PCSK2: variants seen among roughly 807,000 people sequenced by gnomAD.
The protein encoded by PCSK2 is neuroendocrine convertase 2.
In PCSK2, 14 loss-of-function variants were observed where a neutral mutation model predicts 69.7. The ratio of observed to expected loss-of-function variants is 0.20; its 90% CI spans 0.13 to 0.31. The LOEUF (loss-of-function observed/expected upper bound fraction) is 0.31, where lower values mean the gene tolerates loss of function less well. PCSK2 is among the 10% of genes least tolerant of loss of function. The pLI, the probability that PCSK2 is intolerant of heterozygous loss-of-function variation, is 1.00. For missense variants in PCSK2, 544 were observed against 842.5 expected, an observed-to-expected ratio of 0.65 and a Z score of 4.39; for synonymous variants, 307 against 320.7, an observed-to-expected ratio of 0.96 and a Z score of 0.46.
chr20:17,243,816 CA>C (rs1425642702), intron 1 of PCSK2, among the ~76,000 whole-genome samples: 8 of 151,750 alleles, frequency 5.3e-5, no homozygotes, highest in African/African-American at 1.9e-4. Context: ...AGACAGTCTG[CA>C]AAATAACTGG....
rs1568593763 is a variant in PCSK2, at chr20:17,303,513, TATAA to T, written c.282+43170_282+43173del. Reference sequence around the variant, plus strand: ...TATATTTAATATAATATATATTATATATAATATAATATATATTATATTATATATA... The same window carrying T: ...TATATTTAATATAATATATATTATATTATAATATATATTATATTATATATA... On this transcript the variant is annotated intron_variant, in intron 2 of 11. Coordinates refer to ENST00000262545, the MANE Select transcript of PCSK2 (RefSeq NM_002594.5). Among the ~76,000 whole-genome samples, 114 of 38,302 alleles carry T rather than the reference TATAA, an allele frequency of 3.0e-3. 1 individual carries two copies. The highest frequency in any genetic ancestry group is 9.5e-3 in the East Asian group (5 of 524). The allele number at this position is 38,302 out of a possible 152,430, so 25.1% of individuals were successfully genotyped here. A position where few individuals can be genotyped will look rare whatever the true frequency, so the allele number is the denominator to read the frequency against.
intron 2 of PCSK2, among the ~76,000 whole-genome samples, chr20:17,302,134 G>C (rs1600468136): frequency 6.6e-6 from 1 of 151,928 alleles, no homozygotes; most frequent in Non-Finnish European, 1.5e-5. Context: ...GCAACCCCAG[G>C]CCTTGAGAAA....
At chr20:17,257,044 C>T (rs1987202437) in intron 1 of PCSK2, among the ~76,000 whole-genome samples, 1 of 151,882 alleles carries the variant, frequency 6.6e-6, no homozygotes, top group South Asian at 2.1e-4. Flanking sequence ...GAGTTGGTTC[C>T]AAGTCTTTGC....
At chr20:17,440,903 T>C (rs1021778165) in intron 8 of PCSK2, among the ~76,000 whole-genome samples, 1 of 146,724 alleles carries the variant, frequency 6.8e-6, no homozygotes, top group Non-Finnish European at 1.5e-5. Context: ...ATCAGGGCAA[T>C]GAGATAGATT....
chr20:17,302,569 A>T (rs1167305270), intron 2 of PCSK2, among the ~76,000 whole-genome samples: 1 of 152,138 alleles, frequency 6.6e-6, no homozygotes, highest in African/African-American at 2.4e-5. Context: ...TTCACTCTTG[A>T]TTAATGTATT....
intron 2 of PCSK2, among the ~76,000 whole-genome samples, chr20:17,323,212 C>T (rs1445506870): frequency 6.6e-6 from 1 of 152,166 alleles, no homozygotes; most frequent in Non-Finnish European, 1.5e-5. Context: ...AGTTACAACA[C>T]ATGAATTCTG....
chr20:17,296,804 A>G (rs1390116060), intron 2 of PCSK2, among the ~76,000 whole-genome samples: 1 of 152,190 alleles, frequency 6.6e-6, no homozygotes, highest in Non-Finnish European at 1.5e-5. Context: ...ATTCACGGCT[A>G]CTGTAAAGGT....
chr20:17,314,338 A>G (rs1323448617), intron 2 of PCSK2, among the ~76,000 whole-genome samples: 1 of 152,224 alleles, frequency 6.6e-6, no homozygotes. Context: ...TGAGACATCT[A>G]GACTCAAACC....
At chr20:17,227,003 A>C, upstream of PCSK2, 2 of 238,536 alleles carry the variant, frequency 8.4e-6, no homozygotes, top group Non-Finnish European at 7.9e-6. Context: ...GGAGGAGCTG[A>C]AAATGCAGAT....
At chr20:17,429,074 G>C (rs1041309928) in intron 6 of PCSK2, among the ~76,000 whole-genome samples, 2 of 148,878 alleles carry the variant, frequency 1.3e-5, no homozygotes, top group East Asian at 2.0e-4. Flanking sequence ...GGTTGGATCT[G>C]GTAGTTCCAG....
intron 1 of PCSK2, among the ~76,000 whole-genome samples, chr20:17,245,921 G>C (rs1401713477): frequency 6.6e-6 from 1 of 152,154 alleles, no homozygotes; most frequent in Non-Finnish European, 1.5e-5. Context: ...TAGTTAGACA[G>C]CCTGCTTGAC....
At chr20:17,435,314 C>T (rs2269012) in intron 7 of PCSK2, among the ~76,000 whole-genome samples, 12,336 of 152,222 alleles carry the variant, frequency 0.081, 588 homozygotes, top group East Asian at 0.17. Flanking sequence ...ACAAAATAGA[C>T]ACATGCCCTA....
intron 7 of PCSK2, among the ~76,000 whole-genome samples, chr20:17,434,109 C>T (rs1358386792): frequency 7.0e-6 from 1 of 143,610 alleles, no homozygotes; most frequent in East Asian, 2.1e-4. Context: ...CCACTCTCTC[C>T]TTCTCCTCTC....
At chr20:17,379,725 G>C (rs1600534224) in intron 5 of PCSK2, among the ~76,000 whole-genome samples, 1 of 152,166 alleles carries the variant, frequency 6.6e-6, no homozygotes, top group Non-Finnish European at 1.5e-5. Flanking sequence ...TTACAATTAG[G>C]TTATTAGATT....
intron 11 of PCSK2, chr20:17,479,277 A>C (rs1175910391): frequency 1.9e-6 from 2 of 1,031,618 alleles, no homozygotes; most frequent in Non-Finnish European, 3.1e-6. Context: ...CAGATGTGTT[A>C]ACGATAATTC....
At chr20:17,229,584 G>A (rs773971477) in intron 1 of PCSK2, among the ~76,000 whole-genome samples, 12 of 151,834 alleles carry the variant, frequency 7.9e-5, no homozygotes, top group Non-Finnish European at 1.8e-4. Flanking sequence ...TTGGAGAGGA[G>A]CACACTGATT....
At chr20:17,466,318 G>T (rs962851678) in intron 11 of PCSK2, among the ~76,000 whole-genome samples, 2 of 152,028 alleles carry the variant, frequency 1.3e-5, no homozygotes, top group Admixed American at 1.3e-4. Flanking sequence ...AGATTATTTC[G>T]CTTGGAGTTA....
At chr20:17,302,661 C>T (rs1321690681) in intron 2 of PCSK2, among the ~76,000 whole-genome samples, 1 of 152,154 alleles carries the variant, frequency 6.6e-6, no homozygotes, top group Non-Finnish European at 1.5e-5. Flanking sequence ...GGGTAGACAG[C>T]CCTGTTTCAA....
At chr20:17,263,611 A>G (rs939361839) in intron 2 of PCSK2, among the ~76,000 whole-genome samples, 3 of 152,192 alleles carry the variant, frequency 2.0e-5, no homozygotes, top group African/African-American at 7.2e-5. Flanking sequence ...ATTTGTCTCC[A>G]TTAGGAAATA....
Sources: allele counts gnomAD v4.1 joint callset (sites outside exome capture counted in the v4.1 genomes callset), GRCh38; gene constraint gnomAD v4.1.1; transcripts MANE v1.5; gene names NCBI Gene and HGNC (gene_info 2026-07-23, HGNC 2026-07-21).